The following CTCFL variants were observed in gnomAD, a reference collection of about 807,000 sequenced individuals.
The protein encoded by CTCFL is CCCTC-binding factor like.
In CTCFL, 36 loss-of-function variants were observed where a neutral mutation model predicts 67.4. The observed-to-expected ratio is 0.53, with a 90% CI of 0.41 to 0.71. The LOEUF (loss-of-function observed/expected upper bound fraction) is 0.71. Ranked by LOEUF, CTCFL falls within the 30% of genes least tolerant of loss-of-function variation. The pLI is 0.00. For synonymous variants in CTCFL, 324 were observed against 302.3 expected (o/e 1.07, Z -0.75); for missense variants, 786 against 835.2 (o/e 0.94, Z 0.73).
chr20:57,524,100 A>G lies in CTCFL; in HGVS notation c.106T>C (p.Cys36Arg), dbSNP rs748979103. 6.2e-7 allele frequency: 1 copy of G among 1,613,654 alleles called. No homozygotes were observed. Among genetic ancestry groups the G allele is most frequent in the Admixed American group, 1.7e-5 (1 of 60,014 alleles). The change falls in exon 2 of 11, where the codon TGC becomes CGC. Residue 36 changes from cysteine to arginine, a missense_variant. Coordinates refer to ENST00000243914, the MANE Select transcript of CTCFL (RefSeq NM_001386993.1). ...GGGCTCCGATGGTCTTTCTCTCTGCACACTCCGTCTTTTTCCTCCTCCTTC... is the reference window on the plus strand; with the variant it reads ...GGGCTCCGATGGTCTTTCTCTCTGCGCACTCCGTCTTTTTCCTCCTCCTTC... ...GLKEEEKDGV[C>R]REKDHRSPSE...
chr20:57,524,288 G>T, intron 1 of CTCFL, 72 bp from the exon 2 acceptor site: 1 of 1,529,588 alleles, frequency 6.5e-7, no homozygotes. Flanking sequence ...TGCGGGGGGT[G>T]CTGGAACCTA....
intron 6 of CTCFL, 178 bp from the exon 7 acceptor site, chr20:57,514,919 C>T: frequency 4.7e-6 from 3 of 633,462 alleles, no homozygotes; most frequent in Non-Finnish European, 8.2e-6. Flanking sequence ...ATGTCAAGTA[C>T]AGCTGTGTCC....
rs772311531 is a variant in CTCFL at position 57,523,071 on chromosome 20, T to G, written c.751A>C (p.Lys251Gln). ...AKSTKNQRKTKGAKGTFHCDV... is the reference protein window; with the variant it reads ...AKSTKNQRKTQGAKGTFHCDV... Reference sequence around the variant, plus strand: ...TCTATGAGATGAACTGGCCTACCCTTTGTCTTTCTTTGATTTTTTGTAGAT... The same window carrying G: ...TCTATGAGATGAACTGGCCTACCCTGTGTCTTTCTTTGATTTTTTGTAGAT... Residue 251 changes from lysine (K) to glutamine (Q), a missense_variant, in exon 3 of 11, where the codon AAG (lysine) becomes CAG (glutamine). Physicochemically the swap from Lys to Gln is moderately conservative, Grantham distance 53. Around this residue, in one of 3 missense-constraint regions of CTCFL, gnomAD observed 333 missense variants for 304.6 expected, o/e 1.09. Coordinates refer to ENST00000243914, the MANE Select transcript of CTCFL (RefSeq NM_001386993.1). 1 of 1,612,820 alleles carries G rather than the reference T, an allele frequency of 6.2e-7. No individual in the cohort carries two copies.
At position 57,508,644 on chromosome 20, in the gene CTCFL, A is replaced by C; in HGVS notation, c.1636T>G (p.Tyr546Asp). 6.2e-7 allele frequency: 1 copy of C among 1,614,148 alleles called. No homozygotes were observed. Among genetic ancestry groups the C allele is most frequent in the Non-Finnish European group, 8.5e-7 (1 of 1,180,020 alleles). The change falls in exon 9 of 11, where the codon TAC (tyrosine) becomes GAC (aspartate). Residue 546 changes from tyrosine to aspartate, a missense_variant. Transcript: ENST00000243914. Reference sequence around the variant, plus strand: ...CCTTTGCCACACTTGGAGCATTTGTAAACAGTCGGGATGAAATTTGCATCG... The same window carrying C: ...CCTTTGCCACACTTGGAGCATTTGTCAACAGTCGGGATGAAATTTGCATCG... ...YHDANFIPTV[Y>D]KCSKCGKGFS...
chr20:57,520,011 T>G (rs1016214470), intron 3 of CTCFL, among the ~76,000 whole-genome samples: 5 of 152,204 alleles, frequency 3.3e-5, no homozygotes, highest in African/African-American at 1.2e-4. Context: ...ACAGGGCAGA[T>G]AAAGACCATT....
At chr20:57,499,116 T>G in intron 10 of CTCFL, among the ~76,000 whole-genome samples, 1 of 144,690 alleles carries the variant, frequency 6.9e-6, no homozygotes, top group South Asian at 2.4e-4. Flanking sequence ...CCAGCTGGCA[T>G]CAGCTGCTAT....
At chr20:57,506,088 T>A (rs1034176083) in intron 9 of CTCFL, among the ~76,000 whole-genome samples, 1 of 152,220 alleles carries the variant, frequency 6.6e-6, no homozygotes, top group African/African-American at 2.4e-5. Context: ...GTGGGTCAAA[T>A]CTGGCTGCCA....
intron 6 of CTCFL, chr20:57,515,359 G>A (rs1360960213): frequency 3.9e-6 from 1 of 258,324 alleles, no homozygotes; most frequent in Non-Finnish European, 7.7e-6. Flanking sequence ...TGACCAGGCT[G>A]GTCTCAAACT....
intron 10 of CTCFL, among the ~76,000 whole-genome samples, chr20:57,499,085 G>GGGT (rs1568846072): frequency 0.019 from 391 of 20,768 alleles, 4 homozygotes; most frequent in South Asian, 0.065. Flanking sequence ...GGGGGGGGGT[G>GGGT]GGGGGGGGAC....
chr20:57,515,676 C>G, intron 6 of CTCFL, 38 bp downstream of exon 6: 1 of 1,613,806 alleles, frequency 6.2e-7, no homozygotes, highest in Non-Finnish European at 8.5e-7. Flanking sequence ...TAAGAGTTAA[C>G]ACTGTAGGTA....
At chr20:57,519,528 G>A in intron 3 of CTCFL, 151 bp from the exon 4 acceptor site, 1 of 689,342 alleles carries the variant, frequency 1.5e-6, no homozygotes, top group South Asian at 1.9e-5. Flanking sequence ...AAGCAATTCA[G>A]GACACCATGT....
intron 5 of CTCFL, among the ~76,000 whole-genome samples, chr20:57,517,933 G>A (rs986817875): frequency 2.6e-5 from 4 of 152,294 alleles, no homozygotes; most frequent in African/African-American, 9.6e-5. Context: ...CTTTAACTCA[G>A]ATGAGAAATA....
intron 10 of CTCFL, chr20:57,500,057 G>C (rs972283577): frequency 2.0e-6 from 2 of 983,590 alleles, no homozygotes; most frequent in Admixed American, 6.2e-5. Context: ...CTTGTCTGAG[G>C]ATATTTTTGT....
chr20:57,496,262 G>T, downstream of CTCFL: 1 of 681,746 alleles, frequency 1.5e-6, no homozygotes, highest in Non-Finnish European at 2.7e-6. Context: ...ACCATGTGAC[G>T]CGCCTACTCC....
chr20:57,524,364 T>A, intron 1 of CTCFL, 148 bp from the exon 2 acceptor site: 2 of 1,462,748 alleles, frequency 1.4e-6, no homozygotes, highest in Non-Finnish European at 1.8e-6. Context: ...GTCAGAACAA[T>A]GCTGATCTGG....
intron 2 of CTCFL, among the ~76,000 whole-genome samples, 155 bp from the exon 3 acceptor site, chr20:57,523,433 T>G (rs2069549589): frequency 6.6e-6 from 1 of 152,196 alleles, no homozygotes; most frequent in Non-Finnish European, 1.5e-5. Context: ...GCAGTGAAAC[T>G]TAACACTTTT....
chr20:57,517,431 C>T (rs983881691), intron 5 of CTCFL, among the ~76,000 whole-genome samples: 1 of 152,028 alleles, frequency 6.6e-6, no homozygotes, highest in East Asian at 1.9e-4. Flanking sequence ...CATGTGCCAC[C>T]ACACCTGGCT....
In CTCFL at chr20:57,503,467, C is replaced by T. The variant is rs749932071; in HGVS notation, c.1809G>A (p.Ala603=). 43 of 1,614,082 alleles carry T rather than the reference C, an allele frequency of 2.7e-5. No individual in the cohort carries two copies. The highest frequency in any genetic ancestry group is 2.1e-4 in the African/African-American group (16 of 74,940). ...CGTTCGCGGCTTCCTTCCATCCCTT[C>T]GCAGCTTCCTTCTGACCCTTTGTGG... The part of the protein sequence containing the change: ...KEATKGQKEA[A]KGWKEAANGD... Residue 603 remains alanine (A), a synonymous_variant, in exon 10 of 11, where the codon GCG becomes GCA. Transcript: ENST00000243914.
intron 9 of CTCFL, chr20:57,507,949 A>C: frequency 1.5e-6 from 1 of 667,688 alleles, no homozygotes; most frequent in Non-Finnish European, 2.7e-6. Context: ...TTTAATTAAA[A>C]AAGTTATTTT....
Sources: allele counts gnomAD v4.1 joint callset (sites outside exome capture counted in the v4.1 genomes callset), GRCh38; gene constraint gnomAD v4.1.1; regional missense constraint gnomAD v4.1.1; transcripts MANE v1.5; gene names NCBI Gene and HGNC (gene_info 2026-07-23, HGNC 2026-07-21).